The following TEC variants were observed in gnomAD, a reference collection of about 807,000 sequenced individuals.
TEC encodes tec protein tyrosine kinase.
TEC carries 72 observed loss-of-function variants against 93.0 expected under a neutral mutation model. That is an observed-to-expected ratio of 0.77 (90% CI 0.64 to 0.94). TEC has a LOEUF of 0.94. TEC is among the 40% of genes least tolerant of loss of function. TEC has a pLI of 0.00. For synonymous variants in TEC, 249 were observed against 247.7 expected (o/e 1.01, Z -0.05); for missense variants, 630 against 757.9 (o/e 0.83, Z 1.98).
chr4:48,255,377 C>T (rs1208803403), intron 1 of TEC, among the ~76,000 whole-genome samples: 3 of 152,160 alleles, frequency 2.0e-5, no homozygotes, highest in Non-Finnish European at 4.4e-5. Context: ...CATGCTAACC[C>T]CTGAGCCAAT....
intron 2 of TEC, among the ~76,000 whole-genome samples, chr4:48,188,309 A>G (rs1219236387): frequency 6.6e-6 from 1 of 152,204 alleles, no homozygotes; most frequent in African/African-American, 2.4e-5. Context: ...TATAGCAGTT[A>G]GCTATCTTAA....
chr4:48,149,564 A>G lies in TEC; in HGVS notation c.999T>C (p.Asn333=), dbSNP rs1389258331. ...IPEIIEYHKH[N]AAGLVTRLRY... is the part of the protein sequence containing the mutation. ...TTTTCACAGCTCACTTACCTGCTGC[A>G]TTGTGCTTATGATATTCAATAATCT... is the stretch of plus-strand genomic sequence containing the variant. Residue 333 remains asparagine, a synonymous_variant, in exon 11 of 18, where the codon AAT becomes AAC. Coordinates refer to ENST00000381501, the MANE Select transcript of TEC (RefSeq NM_003215.3). The G allele has an allele frequency of 6.2e-6, 10 of 1,603,592 alleles. No individual in the cohort carries two copies. Among genetic ancestry groups the G allele is most frequent in the Non-Finnish European group, 7.6e-6 (9 of 1,176,640 alleles).
At chr4:48,167,123 C>A (rs77690584) in intron 7 of TEC, among the ~76,000 whole-genome samples, 3 of 152,090 alleles carry the variant, frequency 2.0e-5, no homozygotes, top group Non-Finnish European at 4.4e-5. Context: ...TTACCCCTAT[C>A]TGCCCATATA....
intron 8 of TEC, among the ~76,000 whole-genome samples, chr4:48,160,061 G>T (rs559823435): frequency 6.6e-6 from 1 of 152,146 alleles, no homozygotes; most frequent in Non-Finnish European, 1.5e-5. Context: ...CTCTAAGCAC[G>T]TTACATTTAT....
chr4:48,251,431 T>C (rs1724197976), intron 1 of TEC, among the ~76,000 whole-genome samples: 1 of 152,346 alleles, frequency 6.6e-6, no homozygotes, highest in Admixed American at 6.5e-5. Context: ...CAGTCTAAAG[T>C]AGACAGCCAG....
chr4:48,197,305 A>G (rs1322940499), intron 2 of TEC, among the ~76,000 whole-genome samples: 1 of 152,196 alleles, frequency 6.6e-6, no homozygotes, highest in Admixed American at 6.5e-5. Context: ...TGGGCAAAGT[A>G]CTCAACCTCT....
chr4:48,149,170 A>G (rs1313783137), intron 11 of TEC, among the ~76,000 whole-genome samples: 1 of 152,190 alleles, frequency 6.6e-6, no homozygotes, highest in East Asian at 1.9e-4. Flanking sequence ...AATGATTTAT[A>G]TTCCTTTGGG....
chr4:48,178,440 C>T (rs796478717), intron 2 of TEC, among the ~76,000 whole-genome samples: 3 of 151,706 alleles, frequency 2.0e-5, no homozygotes, highest in African/African-American at 7.3e-5. Context: ...TGGCACTGAA[C>T]ACATGTTATC....
At chr4:48,184,457 CAG>C (rs1721718409) in intron 2 of TEC, among the ~76,000 whole-genome samples, 1 of 152,202 alleles carries the variant, frequency 6.6e-6, no homozygotes, top group Non-Finnish European at 1.5e-5. Context: ...TTGGATGTGA[CAG>C]ATGGGGTGTT....
chr4:48,180,278 G>A (rs1721531602), intron 2 of TEC, among the ~76,000 whole-genome samples: 1 of 152,164 alleles, frequency 6.6e-6, no homozygotes, highest in Non-Finnish European at 1.5e-5. Flanking sequence ...TCACATGTAA[G>A]TTGATCACTC....
At chr4:48,210,170 C>T (rs1456106231) in intron 2 of TEC, among the ~76,000 whole-genome samples, 1 of 152,108 alleles carries the variant, frequency 6.6e-6, no homozygotes, top group Non-Finnish European at 1.5e-5. Context: ...CCATAGCAGA[C>T]CCACCTCTGT....
intron 2 of TEC, among the ~76,000 whole-genome samples, chr4:48,200,956 A>G (rs543107564): frequency 6.6e-6 from 1 of 152,380 alleles, no homozygotes; most frequent in Non-Finnish European, 1.5e-5. Context: ...GAAAAAGAAG[A>G]AACTTTATCT....
intron 9 of TEC, among the ~76,000 whole-genome samples, chr4:48,154,752 A>T (rs1720325486): frequency 1.3e-5 from 2 of 152,176 alleles, no homozygotes; most frequent in African/African-American, 4.8e-5. Flanking sequence ...GATGGTTATT[A>T]AAAAAATCAA....
chr4:48,217,617 T>A (rs559113279), intron 2 of TEC, among the ~76,000 whole-genome samples: 1 of 152,318 alleles, frequency 6.6e-6, no homozygotes, highest in East Asian at 1.9e-4. Flanking sequence ...TTTTATAGTA[T>A]GTAACAAAGG....
chr4:48,226,534 T>C (rs62309355), intron 2 of TEC, among the ~76,000 whole-genome samples: 11,484 of 152,214 alleles, frequency 0.075, 623 homozygotes, highest in East Asian at 0.23. Flanking sequence ...CGTTAATAAA[T>C]AGTAAATCTA....
At chr4:48,243,299 C>T (rs1286321921) in intron 1 of TEC, among the ~76,000 whole-genome samples, 1 of 152,214 alleles carries the variant, frequency 6.6e-6, no homozygotes, top group Non-Finnish European at 1.5e-5. Context: ...GTCTGCTTAA[C>T]CTGGCTGTAA....
At chr4:48,267,626 T>A (rs1398170766) in intron 1 of TEC, among the ~76,000 whole-genome samples, 1 of 152,184 alleles carries the variant, frequency 6.6e-6, no homozygotes, top group Non-Finnish European at 1.5e-5. Flanking sequence ...AGACTGTTGA[T>A]CTGGGTTTGA....
chr4:48,219,281 C>T (rs556863853), intron 2 of TEC, among the ~76,000 whole-genome samples: 2 of 152,274 alleles, frequency 1.3e-5, no homozygotes, highest in African/African-American at 4.8e-5. Flanking sequence ...CAAGCGGTAA[C>T]GCCAGTGTCT....
At chr4:48,209,759 C>T (rs1722835558) in intron 2 of TEC, among the ~76,000 whole-genome samples, 1 of 152,118 alleles carries the variant, frequency 6.6e-6, no homozygotes, top group Admixed American at 6.6e-5. Flanking sequence ...ACTTCAAAAA[C>T]AACAACTGTT....
Sources: gnomAD v4.1 joint callset for allele counts (sites outside exome capture counted in the v4.1 genomes callset) on GRCh38, gnomAD v4.1.1 for gene constraint, MANE v1.5 for transcripts, NCBI Gene and HGNC (gene_info 2026-07-23, HGNC 2026-07-21) for gene names.